YIPF4: variants seen among roughly 807,000 people sequenced by gnomAD.
YIPF4 encodes the protein protein YIPF4.
YIPF4 carries 18 observed loss-of-function variants against 29.4 expected under a neutral mutation model. The ratio of observed to expected loss-of-function variants is 0.61; its 90% confidence interval spans 0.42 to 0.91. YIPF4 has a LOEUF of 0.91. YIPF4 is among the 40% of genes least tolerant of loss of function. YIPF4 has a pLI of 0.00. For synonymous variants in YIPF4, 115 were observed against 104.7 expected (o/e 1.10, Z -0.60); for missense variants, 279 against 282.7 (o/e 0.99, Z 0.09).
At chr2:32,278,833 C>G (rs1465155889) in intron 1 of YIPF4, among the ~76,000 whole-genome samples, 2 of 152,104 alleles carry the variant, frequency 1.3e-5, no homozygotes, top group Non-Finnish European at 2.9e-5. Flanking sequence ...CAATGTGTTT[C>G]CAGTAGCCTC....
intron 1 of YIPF4, among the ~76,000 whole-genome samples, chr2:32,280,584 G>C (rs973189356): frequency 2.0e-5 from 3 of 151,864 alleles, no homozygotes; most frequent in Admixed American, 2.0e-4. Flanking sequence ...GGGTTTCACT[G>C]TGTTAGCCAG....
At chr2:32,291,706 A>C (rs1424794178) in intron 2 of YIPF4, among the ~76,000 whole-genome samples, 6 of 152,188 alleles carry the variant, frequency 3.9e-5, no homozygotes, top group Non-Finnish European at 8.8e-5. Flanking sequence ...ATGAGAAATA[A>C]CCCACAACAC....
intron 5 of YIPF4, among the ~76,000 whole-genome samples, chr2:32,301,719 T>A (rs894823603): frequency 1.3e-5 from 2 of 152,124 alleles, no homozygotes; most frequent in Non-Finnish European, 2.9e-5. Flanking sequence ...AAAGAGCAAA[T>A]CAGGTTTCAG....
chr2:32,298,732 A>C (rs1573539494), intron 4 of YIPF4, among the ~76,000 whole-genome samples: 1 of 150,874 alleles, frequency 6.6e-6, no homozygotes, highest in Admixed American at 6.6e-5. Flanking sequence ...CTAATTTTTG[A>C]ATTTTTAGTA....
At chr2:32,283,881 C>T (rs187852155) in intron 1 of YIPF4, among the ~76,000 whole-genome samples, 1 of 151,950 alleles carries the variant, frequency 6.6e-6, no homozygotes, top group Non-Finnish European at 1.5e-5. Context: ...CCATGCTCGG[C>T]TAATTTTTGT....
intron 1 of YIPF4, among the ~76,000 whole-genome samples, chr2:32,287,178 G>T (rs2030714059): frequency 6.6e-6 from 1 of 152,168 alleles, no homozygotes; most frequent in African/African-American, 2.4e-5. Context: ...CTGGGAGGTG[G>T]AGATTGCAGT....
intron 3 of YIPF4, among the ~76,000 whole-genome samples, chr2:32,294,452 C>A (rs2031084800): frequency 6.6e-6 from 1 of 151,568 alleles, no homozygotes; most frequent in Admixed American, 6.6e-5. Context: ...AAGGCGCTCC[C>A]CACATCTCAG....
rs929182313 is a variant in YIPF4 at position 32,315,227 on chromosome 2, C to G, written c.*9601C>G. ...AAGAGACCAAATGGAGCATGTCAGT[C>G]AAAGGTGTCCTTATTTAAAATCTCT... On this transcript the variant is annotated 3_prime_UTR_variant, in exon 6 of 6. Transcript: ENST00000238831. 1.3e-5 allele frequency: 2 copies of G among 152,164 alleles called. No individual in the cohort carries two copies. The highest frequency in any genetic ancestry group is 1.5e-5 in the Non-Finnish European group (1 of 68,028). The allele number at this position is 152,164 out of a possible 1,614,324, so 9.4% of individuals were successfully genotyped here.
Position 32,292,326 on chromosome 2 carries a change from TATC to T in YIPF4, c.386_388del (p.Ser129del). The T allele has an allele frequency of 6.3e-7, 1 of 1,598,150 alleles. No homozygotes were observed. Among genetic ancestry groups the T allele is most frequent in the Non-Finnish European group, 8.5e-7 (1 of 1,172,820 alleles). ...GCTGTTGTTCTTTTCTTTTCCATGA[TATC>T]ATTATATGGACAGTTTAGGGTAAGT... On this transcript the variant is annotated inframe_deletion, in exon 3 of 6. Coordinates refer to ENST00000238831, the MANE Select transcript of YIPF4 (RefSeq NM_032312.4).
At chr2:32,302,575 ATATATT>A (rs2031442440) in intron 5 of YIPF4, among the ~76,000 whole-genome samples, 1 of 152,152 alleles carries the variant, frequency 6.6e-6, no homozygotes, top group African/African-American at 2.4e-5. Context: ...ACATATATAC[ATATATT>A]TAAATATTTA....
At chr2:32,278,530 C>G (rs895914709) in intron 1 of YIPF4, among the ~76,000 whole-genome samples, 4 of 152,094 alleles carry the variant, frequency 2.6e-5, no homozygotes, top group African/African-American at 9.7e-5. Context: ...CCACAAAATC[C>G]TAAGCTTTTA....
chr2:32,306,993 A>T lies in YIPF4; in HGVS notation c.*1367A>T, dbSNP rs866621398. 75 of 660,056 alleles carry T rather than the reference A, an allele frequency of 1.1e-4. No individual in the cohort carries two copies. In the African/African-American group the frequency reaches 1.3e-3, roughly 12 times the overall value. The allele number at this position is 660,056 out of a possible 1,614,324, so 40.9% of individuals were successfully genotyped here. The stretch of plus-strand genomic sequence containing the variant: ...AAGCCCAGCCGTCTTCCTTTCCCCT[A>T]ATCCCAAAAGGAAAGAAAGAAAAAC... On this transcript the variant is annotated 3_prime_UTR_variant, in exon 6 of 6. Coordinates refer to ENST00000238831, the MANE Select transcript of YIPF4 (RefSeq NM_032312.4).
intron 3 of YIPF4, among the ~76,000 whole-genome samples, chr2:32,293,868 C>T (rs1487803500): frequency 5.6e-5 from 8 of 143,562 alleles, no homozygotes; most frequent in South Asian, 2.2e-4. Context: ...CCCTCCCGGA[C>T]GGGGCGGCTG....
At chr2:32,295,333 C>G (rs1335602073) in intron 3 of YIPF4, among the ~76,000 whole-genome samples, 1 of 152,114 alleles carries the variant, frequency 6.6e-6, no homozygotes, top group Non-Finnish European at 1.5e-5. Flanking sequence ...CTGGTGGCTG[C>G]TCTAATAAAC....
In YIPF4 at chr2:32,306,877, G is replaced by A; in HGVS notation, c.*1251G>A. On this transcript the variant is annotated 3_prime_UTR_variant, in exon 6 of 6. Transcript: ENST00000238831. ...CCTGCTGTCCTCAGTATGATAACATGGCGACCTCTTGGTATGTATTTCTTT... is the reference window on the plus strand; with the variant it reads ...CCTGCTGTCCTCAGTATGATAACATAGCGACCTCTTGGTATGTATTTCTTT... The A allele has an allele frequency of 7.6e-6, 2 of 263,862 alleles. No homozygotes were observed. Among genetic ancestry groups the A allele is most frequent in the Non-Finnish European group, 1.5e-5 (2 of 134,662 alleles). The allele number at this position is 263,862 out of a possible 1,614,324, so 16.3% of individuals were successfully genotyped here.
chr2:32,283,069 T>C (rs186101911), intron 1 of YIPF4, among the ~76,000 whole-genome samples: 17 of 146,106 alleles, frequency 1.2e-4, no homozygotes, highest in Admixed American at 3.4e-4. Flanking sequence ...AGAGTGAGAC[T>C]GTCTCAAAAA....
At chr2:32,287,531 G>T (rs186105840) in intron 1 of YIPF4, among the ~76,000 whole-genome samples, 46 of 152,266 alleles carry the variant, frequency 3.0e-4, no homozygotes, top group African/African-American at 8.4e-4. Context: ...TTCTTTCACA[G>T]AAATCGGGAA....
chr2:32,290,812 C>T (rs2030877783), intron 2 of YIPF4, 176 bp downstream of exon 2: 1 of 355,384 alleles, frequency 2.8e-6, no homozygotes, highest in East Asian at 5.1e-5. Context: ...TATTTTTTAA[C>T]CAATTAAAAG....
Position 32,307,097 on chromosome 2 carries a change from A to G in YIPF4, c.*1471A>G. The G allele has an allele frequency of 7.7e-7, 1 of 1,292,586 alleles. No individual in the cohort carries two copies. Among genetic ancestry groups the G allele is most frequent in the Non-Finnish European group, 1.0e-6 (1 of 985,292 alleles). The allele number at this position is 1,292,586 out of a possible 1,614,324, so 80.1% of individuals were successfully genotyped here. ...AAAATTACATGTACTGATTTTTTTAAAAACAGGTGAGAAGCACCAGAGGGA... is the reference window on the plus strand; with the variant it reads ...AAAATTACATGTACTGATTTTTTTAGAAACAGGTGAGAAGCACCAGAGGGA... On this transcript the variant is annotated 3_prime_UTR_variant, in exon 6 of 6. Transcript: ENST00000238831.
Sources: gnomAD v4.1 joint callset for allele counts (sites outside exome capture counted in the v4.1 genomes callset) on GRCh38, gnomAD v4.1.1 for gene constraint, MANE v1.5 for transcripts, NCBI Gene and HGNC (gene_info 2026-07-23, HGNC 2026-07-21) for gene names.